MBP: variants seen among roughly 807,000 people sequenced by gnomAD.
The protein encoded by MBP is Golli-MBP.
In MBP, 16 loss-of-function variants were observed where a neutral mutation model predicts 35.8. The observed-to-expected ratio is 0.45, with a 90% confidence interval of 0.30 to 0.68. MBP has a LOEUF of 0.68. MBP is among the 30% of genes least tolerant of loss of function. The pLI, the probability that MBP is intolerant of heterozygous loss-of-function variation, is 0.08. For synonymous variants in MBP, 143 were observed against 159.6 expected, an observed-to-expected ratio of 0.90 and a Z score of 0.78; for missense variants, 380 against 404.7, an observed-to-expected ratio of 0.94 and a Z score of 0.52.
At chr18:77,099,178 T>C (rs761144890) in intron 2 of MBP, among the ~76,000 whole-genome samples, 36 of 152,210 alleles carry the variant, frequency 2.4e-4, no homozygotes, top group Admixed American at 3.9e-4. Context: ...ATGGGTACCA[T>C]GCACAAAGGG....
At chr18:76,985,515 C>G in intron 7 of MBP, 1 of 1,161,638 alleles carries the variant, frequency 8.6e-7, no homozygotes, top group African/African-American at 1.6e-5. Flanking sequence ...CCTGAGCTCT[C>G]TCCCAGGGTG....
At chr18:76,990,350 G>C (rs1014378743) in intron 4 of MBP, among the ~76,000 whole-genome samples, 1 of 152,032 alleles carries the variant, frequency 6.6e-6, no homozygotes, top group African/African-American at 2.4e-5. Flanking sequence ...AGGTGGGATG[G>C]TGTGCATTGC....
chr18:76,998,888 G>A (rs936862286), intron 4 of MBP, among the ~76,000 whole-genome samples: 1 of 152,078 alleles, frequency 6.6e-6, no homozygotes, highest in Admixed American at 6.5e-5. Flanking sequence ...TTGTAGAAAC[G>A]CACCACCTAC....
chr18:77,048,910 G>GT lies in MBP; in HGVS notation c.139+17387dup, dbSNP rs571295221. 1.3e-3 allele frequency among the ~76,000 whole-genome samples: 193 copies of GT among 151,708 alleles called. 1 individual carries two copies. The highest frequency in any genetic ancestry group is 4.3e-3 in the African/African-American group (180 of 41,388). ...CAAGAATAATCTCTACGAGGGCAGG[G>GT]TTTTTTTTTAATTTTATTTATTTTT... On this transcript the variant is annotated intron_variant, in intron 3 of 8. Coordinates refer to ENST00000355994, the MANE Select transcript of MBP (RefSeq NM_001025101.2).
At chr18:77,083,737 A>G (rs531224952) in intron 2 of MBP, among the ~76,000 whole-genome samples, 34 of 152,372 alleles carry the variant, frequency 2.2e-4, no homozygotes, top group African/African-American at 7.7e-4. Context: ...ATGTTACATG[A>G]AAGAATCTGG....
intron 3 of MBP, among the ~76,000 whole-genome samples, chr18:77,037,957 G>C (rs1008241106): frequency 2.0e-5 from 3 of 152,226 alleles, no homozygotes; most frequent in African/African-American, 7.2e-5. Flanking sequence ...TGCAAATGCA[G>C]AGTCGCAGTA....
chr18:77,047,185 C>G (rs537235758), intron 3 of MBP, among the ~76,000 whole-genome samples: 16 of 152,250 alleles, frequency 1.1e-4, no homozygotes, highest in Non-Finnish European at 5.9e-5. Flanking sequence ...ACCCTGAACG[C>G]CAAGGCTCCG....
chr18:77,011,251 G>C (rs758256899), intron 4 of MBP, among the ~76,000 whole-genome samples: 9 of 152,170 alleles, frequency 5.9e-5, no homozygotes, highest in Non-Finnish European at 1.2e-4. Flanking sequence ...TTTAGAGGAG[G>C]TCTCCGTGGA....
At chr18:77,124,097 C>T (rs564021363) in intron 1 of MBP, among the ~76,000 whole-genome samples, 115 of 152,252 alleles carry the variant, frequency 7.6e-4, no homozygotes, top group African/African-American at 2.7e-3. Flanking sequence ...TCCCGTGTCA[C>T]CAGATGCCCC....
chr18:76,988,235 C>G lies in MBP; in HGVS notation c.750+260G>C, dbSNP rs367953418. The stretch of plus-strand genomic sequence containing the variant: ...GAGACCAGTCACGTCGCCTGGGAAC[C>G]CTCTGGGAGAAGAGGATCTGGCCTT... On this transcript the variant is annotated intron_variant, in intron 7 of 8. Transcript: ENST00000355994. This position sits in a 1 kb window ranked among gnomAD's most constrained non-coding sequence, Gnocchi z 5.2. 221 of 1,549,864 alleles carry G rather than the reference C, an allele frequency of 1.4e-4. 1 individual carries two copies. The East Asian group carries it at 4.5e-3, about 32-fold the overall frequency.
At chr18:76,998,562 G>A (rs540041939) in intron 4 of MBP, among the ~76,000 whole-genome samples, 1 of 152,118 alleles carries the variant, frequency 6.6e-6, no homozygotes, top group Non-Finnish European at 1.5e-5. Flanking sequence ...ATGCCCGAAC[G>A]CCCCACCCTC....
chr18:77,039,881 T>TA (rs1021889636), intron 3 of MBP, among the ~76,000 whole-genome samples: 4 of 152,172 alleles, frequency 2.6e-5, no homozygotes, highest in African/African-American at 9.7e-5. Context: ...ATACAGTTCT[T>TA]ACAACTGACA....
intron 4 of MBP, among the ~76,000 whole-genome samples, chr18:77,008,559 CCTT>C (rs1971134091): frequency 6.6e-6 from 1 of 152,184 alleles, no homozygotes. Context: ...AGGAAGAAAT[CCTT>C]CTCCCCAGCC....
intron 1 of MBP, among the ~76,000 whole-genome samples, chr18:77,122,831 C>A (rs1976930848): frequency 6.6e-6 from 1 of 152,252 alleles, no homozygotes; most frequent in Non-Finnish European, 1.5e-5. Flanking sequence ...GCATGAGCCA[C>A]CGCGCCCGGC....
At chr18:77,000,495 T>C (rs539100899) in intron 4 of MBP, among the ~76,000 whole-genome samples, 3 of 152,338 alleles carry the variant, frequency 2.0e-5, no homozygotes, top group African/African-American at 7.2e-5. Flanking sequence ...GCTGAAAAGT[T>C]TTTAAAATCA....
chr18:76,996,479 T>C (rs1970276757), intron 4 of MBP, among the ~76,000 whole-genome samples: 1 of 152,170 alleles, frequency 6.6e-6, no homozygotes, highest in South Asian at 2.1e-4. Context: ...ACCTGAATGC[T>C]CTTGAGGGGC....
At chr18:77,083,455 A>G (rs573343196) in intron 2 of MBP, among the ~76,000 whole-genome samples, 1 of 152,256 alleles carries the variant, frequency 6.6e-6, no homozygotes, top group Non-Finnish European at 1.5e-5. Flanking sequence ...TAACATGAGT[A>G]TATCAGAATT....
At chr18:77,039,447 A>G (rs1972897438) in intron 3 of MBP, among the ~76,000 whole-genome samples, 2 of 152,204 alleles carry the variant, frequency 1.3e-5, no homozygotes, top group South Asian at 4.1e-4. Flanking sequence ...GGTAAGGTGG[A>G]GTTAAAGTAT....
chr18:77,054,481 G>A (rs1259097962), intron 3 of MBP, among the ~76,000 whole-genome samples: 3 of 152,202 alleles, frequency 2.0e-5, no homozygotes, highest in South Asian at 4.1e-4. Flanking sequence ...TGAGCAGGGA[G>A]CGAGGTGCTC....
Sources: allele counts gnomAD v4.1 joint callset (sites outside exome capture counted in the v4.1 genomes callset), GRCh38; gene constraint gnomAD v4.1.1; non-coding constraint Gnocchi (gnomAD v3.1); transcripts MANE v1.5; gene names NCBI Gene and HGNC (gene_info 2026-07-23, HGNC 2026-07-21).